The following PCBP3 variants were observed in gnomAD, a reference collection of about 807,000 sequenced individuals.
PCBP3 encodes poly(rC)-binding protein 3.
A neutral mutation model predicts 52.7 loss-of-function variants in PCBP3; 25 were observed. The ratio of observed to expected loss-of-function variants is 0.47; its 90% confidence interval spans 0.35 to 0.66. The LOEUF (loss-of-function observed/expected upper bound fraction) is 0.66, where lower values mean the gene tolerates loss of function less well. Ranked by LOEUF, PCBP3 falls within the 30% of genes least tolerant of loss-of-function variation. The pLI is 0.01. For missense variants in PCBP3, 391 were observed against 490.3 expected (o/e 0.80, Z 1.91); for synonymous variants, 162 against 183.0 (o/e 0.89, Z 0.93).
At chr21:45,707,878 C>G (rs570551800) in intron 2 of PCBP3, among the ~76,000 whole-genome samples, 63 of 152,210 alleles carry the variant, frequency 4.1e-4, no homozygotes, top group Admixed American at 1.2e-3. Flanking sequence ...TTCTGAACTG[C>G]AGAGCTGAGC....
intron 4 of PCBP3, among the ~76,000 whole-genome samples, chr21:45,779,949 G>GT (rs536287778): frequency 7.9e-4 from 121 of 152,318 alleles, no homozygotes; most frequent in African/African-American, 2.8e-3. Flanking sequence ...AGAATAGAAA[G>GT]TCTGGAAATA....
chr21:45,736,814 G>C lies in PCBP3; in HGVS notation c.-162+1385G>C, dbSNP rs571472251. Reference sequence around the variant, plus strand: ...ACTGCCAGAATCCTGACATCCTTGTGGGGGGATCGAAAACATAAATCTAGT... The same window carrying C: ...ACTGCCAGAATCCTGACATCCTTGTCGGGGGATCGAAAACATAAATCTAGT... On this transcript the variant is annotated intron_variant, in intron 3 of 17. Transcript: ENST00000681687. This position sits in a 1 kb window ranked among gnomAD's most constrained non-coding sequence, Gnocchi z 4.6. Among the ~76,000 whole-genome samples, 108 of 152,300 alleles carry C rather than the reference G, an allele frequency of 7.1e-4. No individual in the cohort carries two copies. The highest frequency in any genetic ancestry group is 1.8e-3 in the African/African-American group (76 of 41,564).
chr21:45,676,447 T>G (rs1176108237), intron 2 of PCBP3, among the ~76,000 whole-genome samples: 1 of 152,216 alleles, frequency 6.6e-6, no homozygotes, highest in East Asian at 1.9e-4. Flanking sequence ...CCAATAGCAT[T>G]GCTTACTTCA....
intron 2 of PCBP3, among the ~76,000 whole-genome samples, chr21:45,709,197 T>C (rs1314218363): frequency 6.6e-6 from 1 of 152,220 alleles, no homozygotes; most frequent in Non-Finnish European, 1.5e-5. Context: ...GGGTCCAAAA[T>C]TGCTAGCCTG....
chr21:45,671,446 C>T (rs2081168812), intron 2 of PCBP3, among the ~76,000 whole-genome samples: 1 of 152,172 alleles, frequency 6.6e-6, no homozygotes, highest in African/African-American at 2.4e-5. Context: ...AAGCCAATTG[C>T]AATTTTTAAA....
At chr21:45,910,500 T>C (rs1001206033) in intron 10 of PCBP3, among the ~76,000 whole-genome samples, 13 of 152,262 alleles carry the variant, frequency 8.5e-5, no homozygotes, top group Middle Eastern at 3.4e-3. Context: ...CCTGAATCCT[T>C]GCCCTATGCA....
At chr21:45,728,440 T>G (rs557833990) in intron 2 of PCBP3, among the ~76,000 whole-genome samples, 1 of 152,342 alleles carries the variant, frequency 6.6e-6, no homozygotes, top group East Asian at 1.9e-4. Flanking sequence ...AAAACCCACT[T>G]TATCTGCATG....
rs953208149 is a variant in PCBP3, at chr21:45,737,650, G to A, written c.-162+2221G>A. Among the ~76,000 whole-genome samples, 1 of 152,220 alleles carries A rather than the reference G, an allele frequency of 6.6e-6. No homozygotes were observed. Among genetic ancestry groups the A allele is most frequent in the Non-Finnish European group, 1.5e-5 (1 of 68,038 alleles). On this transcript the variant is annotated intron_variant, in intron 3 of 17. Coordinates refer to ENST00000681687, the MANE Select transcript of PCBP3 (RefSeq NM_001384156.1). The surrounding 1 kb of genome is among the most constrained non-coding windows in gnomAD (Gnocchi z 4.9). ...TGGACCCATCGCCTGCCAGCATGTG[G>A]GTTCTGGAGGCTGCAGCAGGCAGAT...
intron 2 of PCBP3, chr21:45,673,671 A>G (rs2081302987): frequency 6.6e-6 from 1 of 152,212 alleles, no homozygotes; most frequent in Admixed American, 6.5e-5. Context: ...GTGCAAACAC[A>G]TTCAAGAGTG....
At chr21:45,910,846 C>A (rs1005579865) in intron 10 of PCBP3, 56 bp from the exon 11 acceptor site, 13 of 1,534,452 alleles carry the variant, frequency 8.5e-6, no homozygotes, top group Non-Finnish European at 1.1e-5. Context: ...TCGGGAGGTA[C>A]TGCTGCCCCA....
intron 5 of PCBP3, among the ~76,000 whole-genome samples, chr21:45,860,195 G>C (rs2094458933): frequency 6.6e-6 from 1 of 152,208 alleles, no homozygotes; most frequent in African/African-American, 2.4e-5. Context: ...GTGGCCTCTG[G>C]GCTGCTTCTC....
chr21:45,843,232 G>A (rs1036500763), intron 4 of PCBP3, among the ~76,000 whole-genome samples: 4 of 145,834 alleles, frequency 2.7e-5, no homozygotes, highest in African/African-American at 5.6e-5. Flanking sequence ...GGAGAGAGGT[G>A]TCTATTCCAT....
rs372221413 is a variant in PCBP3, at chr21:45,675,264, C to T, written c.-200+6312C>T. Among the ~76,000 whole-genome samples, 5 of 152,278 alleles carry T rather than the reference C, an allele frequency of 3.3e-5. No homozygotes were observed. In the East Asian group the frequency reaches 9.7e-4, roughly 29 times the overall value. ...GATGGGGAGGCAGAGCCCTCTACCT[C>T]TTGGGCAGCTGAGGCTGAGGTCCTG... On this transcript the variant is annotated intron_variant, in intron 2 of 17. Coordinates refer to ENST00000681687, the MANE Select transcript of PCBP3 (RefSeq NM_001384156.1).
chr21:45,841,305 T>C (rs1312971026), intron 4 of PCBP3, among the ~76,000 whole-genome samples: 1 of 152,214 alleles, frequency 6.6e-6, no homozygotes, highest in African/African-American at 2.4e-5. Context: ...TGAACCTTTT[T>C]TACCTCTCTT....
At chr21:45,868,222 AGAG>A (rs1274056181) in intron 5 of PCBP3, among the ~76,000 whole-genome samples, 2 of 152,182 alleles carry the variant, frequency 1.3e-5, no homozygotes, top group African/African-American at 4.8e-5. Flanking sequence ...CTCGGAGGAG[AGAG>A]CCTAGGGACA....
intron 5 of PCBP3, among the ~76,000 whole-genome samples, chr21:45,889,423 A>C (rs1403404411): frequency 6.6e-6 from 1 of 152,234 alleles, no homozygotes; most frequent in Admixed American, 6.5e-5. Flanking sequence ...CTCTGAATGC[A>C]GGGACAGCAC....
At chr21:45,897,341 C>T (rs1031152302) in intron 6 of PCBP3, among the ~76,000 whole-genome samples, 5 of 152,182 alleles carry the variant, frequency 3.3e-5, no homozygotes, top group African/African-American at 1.2e-4. Context: ...AGTAGGTCGT[C>T]GGCTTTGACT....
At chr21:45,774,104 G>A (rs66552772) in intron 4 of PCBP3, among the ~76,000 whole-genome samples, 26,161 of 151,936 alleles carry the variant, frequency 0.17, 2,388 homozygotes, top group Middle Eastern at 0.32. Flanking sequence ...TTCATTTATC[G>A]CATCTAAAAG....
At chr21:45,839,443 G>T (rs533662565) in intron 4 of PCBP3, among the ~76,000 whole-genome samples, 1 of 152,042 alleles carries the variant, frequency 6.6e-6, no homozygotes. Flanking sequence ...CAATTATTTC[G>T]TGGTTGGCCC....
Sources: gnomAD v4.1 joint callset for allele counts (sites outside exome capture counted in the v4.1 genomes callset) on GRCh38, gnomAD v4.1.1 for gene constraint, Gnocchi (gnomAD v3.1) non-coding constraint, MANE v1.5 for transcripts, NCBI Gene and HGNC (gene_info 2026-07-23, HGNC 2026-07-21) for gene names.